Variants in MAPK14 observed in about 807,000 individuals in gnomAD.
The protein encoded by MAPK14 is CSAID-binding protein.
MAPK14 carries 16 observed loss-of-function variants against 49.6 expected under a neutral mutation model. The observed-to-expected ratio is 0.32, with a 90% confidence interval of 0.22 to 0.49. The LOEUF is 0.49. MAPK14 is among the 20% of genes least tolerant of loss of function. The probability of loss-of-function intolerance (pLI) is 0.99; values close to 1 mark genes in which losing one functional copy is unlikely to be tolerated. For synonymous variants in MAPK14, 142 were observed against 158.0 expected, an observed-to-expected ratio of 0.90 and a Z score of 0.76; for missense variants, 200 against 441.2, an observed-to-expected ratio of 0.45 and a Z score of 4.90.
intron 8 of MAPK14, among the ~76,000 whole-genome samples, chr6:36,080,360 A>AGCC (rs1304190377): frequency 9.9e-5 from 15 of 152,124 alleles, no homozygotes; most frequent in Non-Finnish European, 2.1e-4. Context: ...AGCCCGTGAA[A>AGCC]CAGTAACTTC....
intron 3 of MAPK14, among the ~76,000 whole-genome samples, chr6:36,065,913 T>C (rs550203926): frequency 6.6e-6 from 1 of 152,340 alleles, no homozygotes; most frequent in East Asian, 1.9e-4. Context: ...CTTAAATTTA[T>C]GTAATGATGC....
chr6:36,089,689 CCTTT>C (rs1765141070), intron 8 of MAPK14, among the ~76,000 whole-genome samples: 2 of 152,050 alleles, frequency 1.3e-5, no homozygotes, highest in Non-Finnish European at 2.9e-5. Flanking sequence ...AGAATGAAGC[CCTTT>C]CTTAAAAGCC....
chr6:36,076,094 A>G, intron 7 of MAPK14, 132 bp downstream of exon 7: 1 of 918,236 alleles, frequency 1.1e-6, no homozygotes, highest in Non-Finnish European at 1.6e-6. Flanking sequence ...TAAAGCCTGC[A>G]AGTAAAAATA....
intron 2 of MAPK14, among the ~76,000 whole-genome samples, chr6:36,053,174 C>T (rs543102079): frequency 1.4e-5 from 2 of 147,674 alleles, no homozygotes; most frequent in African/African-American, 4.9e-5. Flanking sequence ...TTTCCTAAGG[C>T]TATATTATGA....
the MAPK14 span, among the ~76,000 whole-genome samples, chr6:36,117,306 G>T: frequency 6.6e-6 from 1 of 152,202 alleles, no homozygotes; most frequent in South Asian, 2.1e-4. Flanking sequence ...CTTCCCTCTG[G>T]CTCTCTATAG....
chr6:36,066,021 T>C (rs908438985), intron 3 of MAPK14, among the ~76,000 whole-genome samples: 1 of 152,242 alleles, frequency 6.6e-6, no homozygotes, highest in African/African-American at 2.4e-5. Context: ...CTTATGCTTA[T>C]GAGTGAAACT....
At chr6:36,047,145 G>T (rs189493463) in intron 1 of MAPK14, among the ~76,000 whole-genome samples, 119 of 151,638 alleles carry the variant, frequency 7.8e-4, no homozygotes, top group African/African-American at 2.9e-3. Flanking sequence ...GAGTGGAAAA[G>T]AAGAGAACCA....
At chr6:36,041,138 C>G (rs1762946000) in intron 1 of MAPK14, among the ~76,000 whole-genome samples, 1 of 151,770 alleles carries the variant, frequency 6.6e-6, no homozygotes, top group South Asian at 2.1e-4. Flanking sequence ...ATTATCATTG[C>G]TACTGCTTTA....
intron 8 of MAPK14, among the ~76,000 whole-genome samples, chr6:36,084,694 G>A (rs201156758): frequency 2.0e-5 from 3 of 152,140 alleles, no homozygotes; most frequent in East Asian, 1.9e-4. Context: ...CTGAACCTGC[G>A]AATGATAGGG....
intron 6 of MAPK14, among the ~76,000 whole-genome samples, chr6:36,075,445 A>G (rs1475619735): frequency 1.3e-5 from 2 of 152,080 alleles, no homozygotes; most frequent in Non-Finnish European, 2.9e-5. Flanking sequence ...TGTGTGTGTC[A>G]GTGGTTTCTT....
intron 3 of MAPK14, among the ~76,000 whole-genome samples, chr6:36,064,119 A>G (rs189612743): frequency 2.0e-5 from 3 of 151,654 alleles, no homozygotes; most frequent in Admixed American, 1.3e-4. Context: ...AGTTGGGGCT[A>G]CAGGCTCACA....
At chr6:36,041,812 A>G (rs1288172988) in intron 1 of MAPK14, among the ~76,000 whole-genome samples, 1 of 152,224 alleles carries the variant, frequency 6.6e-6, no homozygotes, top group Non-Finnish European at 1.5e-5. Flanking sequence ...GTAGTGAAGG[A>G]AATTTGCCAG....
At chr6:36,080,848 C>CT (rs533883657) in intron 8 of MAPK14, among the ~76,000 whole-genome samples, 91 of 142,850 alleles carry the variant, frequency 6.4e-4, no homozygotes, top group Non-Finnish European at 8.3e-4. Context: ...CAAACTTGTT[C>CT]TTTTTTTTTT....
chr6:36,078,168 T>G (rs988322555), intron 8 of MAPK14, among the ~76,000 whole-genome samples: 1 of 152,226 alleles, frequency 6.6e-6, no homozygotes, highest in South Asian at 2.1e-4. Context: ...TATGTAACTT[T>G]GAGTAAGTTT....
the MAPK14 span, among the ~76,000 whole-genome samples, chr6:36,121,874 CATT>C: frequency 3.9e-5 from 6 of 152,300 alleles, no homozygotes; most frequent in East Asian, 1.2e-3. Context: ...CTCTGTGTCT[CATT>C]GTTATACATA....
chr6:36,074,506 T>A (rs1764439713), intron 6 of MAPK14, among the ~76,000 whole-genome samples: 2 of 152,238 alleles, frequency 1.3e-5, no homozygotes, highest in South Asian at 4.1e-4. Flanking sequence ...AGAACTTTTG[T>A]TCCATTTCAT....
chr6:36,103,997 G>A (rs530602103), intron 10 of MAPK14, among the ~76,000 whole-genome samples: 6 of 152,284 alleles, frequency 3.9e-5, no homozygotes, highest in Non-Finnish European at 7.4e-5. Flanking sequence ...TTAGAAGCTG[G>A]GGTGAAGGCT....
intron 1 of MAPK14, among the ~76,000 whole-genome samples, chr6:36,037,226 T>C (rs1379671337): frequency 3.3e-5 from 5 of 152,218 alleles, no homozygotes; most frequent in Admixed American, 2.0e-4. Flanking sequence ...ACTGAACTCA[T>C]GATATCTTTG....
intron 8 of MAPK14, among the ~76,000 whole-genome samples, chr6:36,081,530 T>C (rs1230220759): frequency 6.6e-6 from 1 of 152,194 alleles, no homozygotes; most frequent in Non-Finnish European, 1.5e-5. Context: ...CTTAGAAATT[T>C]GGTATATATA....
Sources: gnomAD v4.1 joint callset for allele counts (sites outside exome capture counted in the v4.1 genomes callset) on GRCh38, gnomAD v4.1.1 for gene constraint, MANE v1.5 for transcripts, NCBI Gene and HGNC (gene_info 2026-07-23, HGNC 2026-07-21) for gene names.